Variants in COL21A1 observed in about 807,000 individuals in gnomAD.
COL21A1 encodes collagen type XXI alpha 1 chain, also known as collagen alpha-1(XXI) chain.
COL21A1 carries 149 observed loss-of-function variants against 137.9 expected under a neutral mutation model. The observed-to-expected ratio is 1.08, with a 90% confidence interval of 0.95 to 1.24. The LOEUF (loss-of-function observed/expected upper bound fraction) is 1.24. COL21A1 is among the 50% of genes most tolerant of loss of function. COL21A1 has a pLI of 0.00. For synonymous variants in COL21A1, 456 were observed against 391.5 expected, an observed-to-expected ratio of 1.16 and a Z score of -1.95; for missense variants, 1,167 against 1,158.4, an observed-to-expected ratio of 1.01 and a Z score of -0.11.
At chr6:56,181,399 GT>G (rs141961710) in intron 2 of COL21A1, among the ~76,000 whole-genome samples, 3,277 of 145,988 alleles carry the variant, frequency 0.022, 115 homozygotes, top group African/African-American at 0.079. Flanking sequence ...TTTGTTTTTT[GT>G]TTTTTTTTTG....
rs1051565554 is a variant in COL21A1, at chr6:56,124,051, T to A, written c.1758+11A>T. 14 of 1,495,348 alleles carry A rather than the reference T, an allele frequency of 9.4e-6. No homozygotes were observed. Among genetic ancestry groups the A allele is most frequent in the Non-Finnish European group, 1.2e-5 (13 of 1,128,328 alleles). 92.6% of individuals were successfully genotyped at this position (1,495,348 alleles called of 1,614,324 possible). A position where few individuals can be genotyped will look rare whatever the true frequency, so the allele number is the denominator to read the frequency against. On this transcript the variant is annotated intron_variant, in intron 16 of 29. Transcript: ENST00000244728. ...TTTTTGTTTTGTCCTTTTTTTTTTT[T>A]TTATAAATACCTTGAAACCGGGACT...
At chr6:56,138,667 G>C (rs1464688069) in intron 12 of COL21A1, among the ~76,000 whole-genome samples, 9 of 152,114 alleles carry the variant, frequency 5.9e-5, no homozygotes, top group Non-Finnish European at 1.5e-5. Context: ...AAAGATGGAA[G>C]ACTGGTGATC....
Position 56,180,108 on chromosome 6 carries a change from T to A in COL21A1, c.110A>T (p.Asp37Val). The change falls in exon 3 of 30, where the codon GAT becomes GTT. Residue 37 changes from aspartate to valine, a missense_variant. Physicochemically the swap from Asp to Val is radical, Grantham distance 152 (BLOSUM62 -3). Transcript: ENST00000244728. ...AGAGCCATCTAAGATGAAAACTAAA[T>A]CTGTCGGAGCAGTACGACAACCTAA... ...VRSSCRTAPT[D>V]LVFILDGSYS... 1 of 1,612,706 alleles carries A rather than the reference T, an allele frequency of 6.2e-7. No homozygotes were observed. The highest frequency in any genetic ancestry group is 8.5e-7 in the Non-Finnish European group (1 of 1,179,404).
intron 16 of COL21A1, among the ~76,000 whole-genome samples, chr6:56,110,493 T>C (rs1771328688): frequency 6.6e-6 from 1 of 151,768 alleles, no homozygotes; most frequent in Non-Finnish European, 1.5e-5. Context: ...GTTTAGTGAA[T>C]AAAACTATTA....
chr6:56,125,515 C>T (rs1313597290), intron 14 of COL21A1, 52 bp downstream of exon 14: 4 of 1,301,886 alleles, frequency 3.1e-6, no homozygotes, highest in Non-Finnish European at 4.3e-6. Context: ...TTTTCTGTTT[C>T]CATTACATTA....
At chr6:56,331,632 T>C (rs1358012982) in intron 1 of COL21A1, among the ~76,000 whole-genome samples, 2 of 152,116 alleles carry the variant, frequency 1.3e-5, no homozygotes, top group East Asian at 1.9e-4. Context: ...GTCCCATTTA[T>C]CTATGTGTCT....
At chr6:56,225,883 G>A (rs1381712206) in intron 1 of COL21A1, 1 of 151,942 alleles carries the variant, frequency 6.6e-6, no homozygotes, top group Admixed American at 6.6e-5. Context: ...TGGTCTTCCT[G>A]TGGGCTTTGT....
At chr6:56,160,255 C>G (rs1394887740) in intron 9 of COL21A1, among the ~76,000 whole-genome samples, 2 of 152,194 alleles carry the variant, frequency 1.3e-5, no homozygotes, top group African/African-American at 4.8e-5. Context: ...ACTGGTCCAA[C>G]AGATTTGCAT....
intron 9 of COL21A1, among the ~76,000 whole-genome samples, chr6:56,159,963 C>T (rs913015713): frequency 1.3e-5 from 2 of 152,198 alleles, no homozygotes; most frequent in Middle Eastern, 3.4e-3. Context: ...TCCAATGTGA[C>T]TTCATAAAGA....
At chr6:56,244,290 C>T (rs1782519754) in intron 1 of COL21A1, among the ~76,000 whole-genome samples, 1 of 152,216 alleles carries the variant, frequency 6.6e-6, no homozygotes, top group Non-Finnish European at 1.5e-5. Flanking sequence ...TCACTGCAAG[C>T]AGTGCTGCCC....
At chr6:56,288,433 C>T (rs912364021) in intron 1 of COL21A1, among the ~76,000 whole-genome samples, 2 of 151,576 alleles carry the variant, frequency 1.3e-5, no homozygotes, top group African/African-American at 2.4e-5. Context: ...AGTACAAGTA[C>T]TTTTACTGTA....
At chr6:56,262,663 C>T (rs892036326) in intron 1 of COL21A1, among the ~76,000 whole-genome samples, 1 of 152,012 alleles carries the variant, frequency 6.6e-6, no homozygotes, top group Admixed American at 6.6e-5. Flanking sequence ...AGAATAGGGA[C>T]TGGGATACAG....
At chr6:56,183,559 A>G (rs1778056061) in intron 1 of COL21A1, among the ~76,000 whole-genome samples, 1 of 152,196 alleles carries the variant, frequency 6.6e-6, no homozygotes, top group East Asian at 1.9e-4. Context: ...GTAGATAAGT[A>G]GTCCATAGAA....
intron 17 of COL21A1, among the ~76,000 whole-genome samples, chr6:56,087,191 C>G (rs931477248): frequency 2.6e-5 from 4 of 152,132 alleles, no homozygotes; most frequent in African/African-American, 4.8e-5. Context: ...ACAGTTTTCT[C>G]CAGTAGAATT....
intron 1 of COL21A1, among the ~76,000 whole-genome samples, chr6:56,379,234 G>A (rs1353683673): frequency 6.6e-6 from 1 of 152,182 alleles, no homozygotes; most frequent in Non-Finnish European, 1.5e-5. Context: ...ATGCAATAAG[G>A]CACCAGGGAC....
chr6:56,260,652 G>A (rs1490610659), intron 1 of COL21A1, among the ~76,000 whole-genome samples: 93 of 41,530 alleles, frequency 2.2e-3, no homozygotes, highest in Non-Finnish European at 4.1e-3. Flanking sequence ...AGGAAGGAAG[G>A]AAGGAATGAA....
chr6:56,131,132 G>T (rs1283425348), intron 12 of COL21A1, among the ~76,000 whole-genome samples: 2 of 152,044 alleles, frequency 1.3e-5, no homozygotes, highest in Admixed American at 6.6e-5. Flanking sequence ...TTGGGGACAG[G>T]TAGTGAGCAA....
chr6:56,254,518 T>C (rs948694181), intron 1 of COL21A1, among the ~76,000 whole-genome samples: 2 of 152,236 alleles, frequency 1.3e-5, no homozygotes, highest in African/African-American at 2.4e-5. Context: ...CAGATGTGGT[T>C]AGTAACAGGC....
chr6:56,149,611 C>T (rs1185358290), intron 10 of COL21A1, among the ~76,000 whole-genome samples: 3 of 152,178 alleles, frequency 2.0e-5, no homozygotes, highest in African/African-American at 7.2e-5. Flanking sequence ...CAAAACCACA[C>T]TCCTGATTTT....
Sources: gnomAD v4.1 joint callset for allele counts (sites outside exome capture counted in the v4.1 genomes callset) on GRCh38, gnomAD v4.1.1 for gene constraint, MANE v1.5 for transcripts, NCBI Gene and HGNC (gene_info 2026-07-23, HGNC 2026-07-21) for gene names.